Variants in TLE7 observed in about 807,000 individuals in gnomAD.
The protein encoded by TLE7 is TLE family member 7.
chr16:71,436,712 CTG>C (rs2042827411), intron 1 of TLE7, among the ~76,000 whole-genome samples: 1 of 152,232 alleles, frequency 6.6e-6, no homozygotes, highest in African/African-American at 2.4e-5. Flanking sequence ...CAGTGGGTGA[CTG>C]TGGGAGGGAC....
chr16:71,441,847 GCCGGCGCCAGCA>G (rs2042850204), intron 1 of TLE7, 110 bp downstream of exon 1: 1 of 152,266 alleles, frequency 6.6e-6, no homozygotes, highest in African/African-American at 2.4e-5. Flanking sequence ...AGCCGGCGTC[GCCGGCGCCAGCA>G]CCTCCGCGGG....
chr16:71,432,629 A>G, intron 4 of TLE7, 36 bp downstream of exon 4: 1 of 398,818 alleles, frequency 2.5e-6, no homozygotes, highest in Non-Finnish European at 4.4e-6. Context: ...GGTAGGTGGG[A>G]AAGGAAGGAT....
At chr16:71,432,359 G>T in intron 4 of TLE7, 34 bp from the exon 5 acceptor site, 1 of 399,702 alleles carries the variant, frequency 2.5e-6, no homozygotes, top group South Asian at 1.3e-4. Flanking sequence ...CAGTGGCCCT[G>T]ACCTGCTATC....
At chr16:71,432,627 G>A (rs750885497) in intron 4 of TLE7, 38 bp downstream of exon 4, 3 of 398,692 alleles carry the variant, frequency 7.5e-6, no homozygotes, top group Non-Finnish European at 1.3e-5. Context: ...GGGGTAGGTG[G>A]GAAAGGAAGG....
At chr16:71,439,241 C>T (rs761977900) in intron 1 of TLE7, among the ~76,000 whole-genome samples, 2 of 152,074 alleles carry the variant, frequency 1.3e-5, no homozygotes. Context: ...GAGAAAGTCA[C>T]ATAACCTGGA....
At chr16:71,437,862 GT>G (rs1300270853) in intron 1 of TLE7, among the ~76,000 whole-genome samples, 1 of 152,114 alleles carries the variant, frequency 6.6e-6, no homozygotes, top group African/African-American at 2.4e-5. Context: ...AAAGCTCTCT[GT>G]CTCTCCCTTC....
chr16:71,432,587 T>C (rs535503455), intron 4 of TLE7, 78 bp downstream of exon 4: 4 of 398,194 alleles, frequency 1.0e-5, no homozygotes, highest in Non-Finnish European at 1.3e-5. Flanking sequence ...GGAGAGAGAG[T>C]GAAAGTGTGG....
rs2042805167 is a variant in TLE7 at position 71,431,806 on chromosome 16, T to C, written c.806A>G (p.His269Arg). ...CAAATCCCAAATCTCAACAAATCCA[T>C]GGAAACAAGCCAAACAGATATGGGC... is the stretch of plus-strand genomic sequence containing the variant. Reference protein sequence around the residue: ...SDAHICLACFHGFVEIWDLQN... With the variant: ...SDAHICLACFRGFVEIWDLQN... Residue 269 changes from histidine (H) to arginine (R), a missense_variant, in exon 6 of 10, where the codon CAT becomes CGT. Physicochemically the swap from His to Arg is conservative, Grantham distance 29 (BLOSUM62 0). Transcript: ENST00000561754. The surrounding 1 kb of genome is among the most constrained non-coding windows in gnomAD (Gnocchi z 4.5). 2 of 400,532 alleles carry C rather than the reference T, an allele frequency of 5.0e-6. No individual in the cohort carries two copies. Among genetic ancestry groups the C allele is most frequent in the Non-Finnish European group, 8.8e-6 (2 of 226,246 alleles). 24.8% of individuals were successfully genotyped at this position (400,532 alleles called of 1,614,324 possible).
At chr16:71,440,987 C>T (rs1470587587) in intron 1 of TLE7, among the ~76,000 whole-genome samples, 2 of 152,196 alleles carry the variant, frequency 1.3e-5, no homozygotes, top group African/African-American at 4.8e-5. Context: ...ACGGTGGCGT[C>T]TCCCGCATCG....
intron 9 of TLE7, 112 bp from the exon 10 acceptor site, chr16:71,430,478 G>A: frequency 5.0e-6 from 2 of 398,050 alleles, no homozygotes; most frequent in Non-Finnish European, 8.8e-6. Context: ...TGGAGGACAG[G>A]GCCAGGTCTC....
rs1398263740 is a variant in TLE7, at chr16:71,432,719, C to T, written c.339G>A (p.Gln113=). ...CACTGGGAGAGGAAGAAGAGTAAGG[C>T]TGGCCTGCAGGGAAAGAGCAATGCC... is the stretch of plus-strand genomic sequence containing the variant. ...PSFLLGSEVG[Q]PYSSSSPSEE... is the part of the protein sequence containing the mutation. The change falls in exon 4 of 10, where the codon CAG becomes CAA. Residue 113 remains glutamine, a synonymous_variant. Transcript: ENST00000561754. 1.0e-5 allele frequency: 4 copies of T among 398,636 alleles called. No homozygotes were observed. The highest frequency in any genetic ancestry group is 1.8e-5 in the Non-Finnish European group (4 of 226,164). 24.7% of individuals were successfully genotyped at this position (398,636 alleles called of 1,614,324 possible).
Position 71,431,646 on chromosome 16 carries a change from A to G in TLE7, c.852-84T>C. ...TCAGGGTCAGGAAGCCCCTAGGAGTACCCCAGATATATCTTCTACACTGAC... is the reference window on the plus strand; with the variant it reads ...TCAGGGTCAGGAAGCCCCTAGGAGTGCCCCAGATATATCTTCTACACTGAC... On this transcript the variant is annotated intron_variant, in intron 6 of 9. Transcript: ENST00000561754. The surrounding 1 kb of genome is among the most constrained non-coding windows in gnomAD (Gnocchi z 4.5). 2.5e-6 allele frequency: 1 copy of G among 400,246 alleles called. No individual in the cohort carries two copies. Among genetic ancestry groups the G allele is most frequent in the Non-Finnish European group, 4.4e-6 (1 of 226,236 alleles). 24.8% of individuals were successfully genotyped at this position (400,246 alleles called of 1,614,324 possible).
intron 5 of TLE7, 49 bp from the exon 6 acceptor site, chr16:71,432,051 G>C: frequency 2.5e-6 from 1 of 400,904 alleles, no homozygotes; most frequent in East Asian, 3.6e-5. Flanking sequence ...CACCGAACCT[G>C]GGTCTCACGT....
At chr16:71,438,424 CAAAAAA>C (rs11383356) in intron 1 of TLE7, among the ~76,000 whole-genome samples, 1 of 83,040 alleles carries the variant, frequency 1.2e-5, no homozygotes. Flanking sequence ...GACTCCATCT[CAAAAAA>C]AAAAAAAAAA....
intron 1 of TLE7, among the ~76,000 whole-genome samples, chr16:71,438,655 C>T (rs1172025522): frequency 4.0e-5 from 5 of 125,138 alleles, no homozygotes; most frequent in Non-Finnish European, 6.2e-5. Flanking sequence ...GCACTCCAGC[C>T]TGGGTATCAG....
intron 1 of TLE7, among the ~76,000 whole-genome samples, chr16:71,441,004 G>A (rs2042845507): frequency 6.6e-6 from 1 of 152,130 alleles, no homozygotes; most frequent in Non-Finnish European, 1.5e-5. Flanking sequence ...ATCGTACATT[G>A]CTCTTCCCAC....
chr16:71,438,032 G>A (rs1055026745), intron 1 of TLE7, among the ~76,000 whole-genome samples: 3 of 152,290 alleles, frequency 2.0e-5, no homozygotes, highest in Non-Finnish European at 2.9e-5. Context: ...AGAGTGCAGC[G>A]TGAAAGAAAC....
intron 1 of TLE7, among the ~76,000 whole-genome samples, chr16:71,434,570 T>C (rs1295333680): frequency 6.6e-6 from 1 of 152,200 alleles, no homozygotes; most frequent in East Asian, 1.9e-4. Context: ...CTACCTGTCC[T>C]TGGGAAGATG....
chr16:71,437,216 G>C (rs936507102), intron 1 of TLE7, among the ~76,000 whole-genome samples: 1 of 152,058 alleles, frequency 6.6e-6, no homozygotes, highest in African/African-American at 2.4e-5. Context: ...GGGCATGATG[G>C]TGCGTGCCTG....
Sources: gnomAD v4.1 joint callset for allele counts (sites outside exome capture counted in the v4.1 genomes callset) on GRCh38, gnomAD v4.1.1 for gene constraint, Gnocchi (gnomAD v3.1) non-coding constraint, MANE v1.5 for transcripts, NCBI Gene and HGNC (gene_info 2026-07-23, HGNC 2026-07-21) for gene names.